The following PHC1 variants were observed in gnomAD, a reference collection of about 807,000 sequenced individuals.
PHC1 encodes polyhomeotic homolog 1.
PHC1 carries 12 observed loss-of-function variants against 104.3 expected under a neutral mutation model. The observed-to-expected ratio is 0.12, with a 90% CI of 0.07 to 0.19. PHC1 has a LOEUF of 0.19. Among genes scored for constraint, PHC1 ranks in the 10% least tolerant of loss-of-function variants. The pLI is 1.00. For missense variants in PHC1, 671 were observed against 1,200.0 expected (o/e 0.56, Z 6.51); for synonymous variants, 302 against 455.8 (o/e 0.66, Z 4.30).
chr12:8,919,537 A>G lies in PHC1; in HGVS notation c.115-219A>G, dbSNP rs919342490. Reference sequence around the variant, plus strand: ...GAGCCTAGGAGTTTGAGGTTACAGTAAACTATGATCACGCCACTGTGCTCC... The same window carrying G: ...GAGCCTAGGAGTTTGAGGTTACAGTGAACTATGATCACGCCACTGTGCTCC... On this transcript the variant is annotated intron_variant, in intron 2 of 14. Transcript: ENST00000544916. The surrounding 1 kb of genome is among the most constrained non-coding windows in gnomAD (Gnocchi z 4.9). Among the ~76,000 whole-genome samples, 1 of 152,186 alleles carries G rather than the reference A, an allele frequency of 6.6e-6. No individual in the cohort carries two copies. The highest frequency in any genetic ancestry group is 1.5e-5 in the Non-Finnish European group (1 of 68,038).
At chr12:8,934,059 G>GA in intron 9 of PHC1, 47 bp downstream of exon 9, 1 of 1,593,322 alleles carries the variant, frequency 6.3e-7, no homozygotes, top group South Asian at 1.1e-5. Flanking sequence ...CAGAGTAGAG[G>GA]AATGTTCTGA....
At position 8,936,916 on chromosome 12, in the gene PHC1, A is replaced by T; in HGVS notation, c.2429A>T (p.Glu810Val). 6.2e-7 allele frequency: 1 copy of T among 1,613,562 alleles called. No individual in the cohort carries two copies. Among genetic ancestry groups the T allele is most frequent in the Non-Finnish European group, 8.5e-7 (1 of 1,179,542 alleles). ...TACTGTGGGAAGTACGCCCCCGCAG[A>T]GCAGTTTCGTGGCTCTAAGAGGTTC... is the stretch of plus-strand genomic sequence containing the variant. Reference protein sequence around the residue: ...CEYCGKYAPAEQFRGSKRFCS... With the variant: ...CEYCGKYAPAVQFRGSKRFCS... The change falls in exon 12 of 15, where the codon GAG (glutamate) becomes GTG (valine). Residue 810 changes from glutamate (E) to valine (V), a missense_variant. By Grantham distance (121) the Glu-to-Val change is moderately radical. This residue lies in a region of PHC1 where 192 missense variants were observed against 280.5 expected (regional missense o/e 0.68). Transcript: ENST00000544916.
Position 8,930,532 on chromosome 12 carries a change from T to C in PHC1, c.710T>C (p.Val237Ala), listed in dbSNP as rs1945652117. Reference protein sequence around the residue: ...QKAIPPGASPVSSLSQASSQA... With the variant: ...QKAIPPGASPASSLSQASSQA... ...GCCATTCCTCCAGGAGCCTCCCCTG[T>C]CTCTAGCCTCTCCCAGGCCTCTAGC... Residue 237 changes from valine (V) to alanine (A), a missense_variant, in exon 7 of 15, where the codon GTC (valine) becomes GCC (alanine). By Grantham distance (64) the Val-to-Ala change is moderately conservative (BLOSUM62 0). This residue lies in a region of PHC1 where 237 missense variants were observed against 331.1 expected (regional missense o/e 0.72). Transcript: ENST00000544916. The C allele has an allele frequency of 6.4e-7, 1 of 1,558,184 alleles. No individual in the cohort carries two copies.
intron 7 of PHC1, 53 bp from the exon 8 acceptor site, chr12:8,932,507 GATT>G: frequency 6.4e-7 from 1 of 1,559,736 alleles, no homozygotes; most frequent in East Asian, 2.3e-5. Flanking sequence ...AATTTAGAAT[GATT>G]ATTATTCTCT....
intron 5 of PHC1, 78 bp downstream of exon 5, chr12:8,921,828 T>A: frequency 7.2e-7 from 1 of 1,383,180 alleles, no homozygotes; most frequent in Non-Finnish European, 9.8e-7. Flanking sequence ...GAAAGCTTTT[T>A]TTTGAGACAG....
At chr12:8,937,748 C>A in intron 13 of PHC1, 81 bp from the exon 14 acceptor site, 1 of 1,097,884 alleles carries the variant, frequency 9.1e-7, no homozygotes, top group African/African-American at 1.5e-5. Context: ...CTTCTACGCC[C>A]AACCCAGGGT....
intron 8 of PHC1, chr12:8,933,609 A>G (rs1945752546): frequency 3.3e-6 from 2 of 609,102 alleles, no homozygotes; most frequent in Non-Finnish European, 5.5e-6. Context: ...CAGTCTTTGA[A>G]AAAACAACAG....
chr12:8,927,859 TTC>T (rs1420285089), intron 6 of PHC1, among the ~76,000 whole-genome samples: 4 of 59,034 alleles, frequency 6.8e-5, no homozygotes, highest in Admixed American at 1.7e-4. Flanking sequence ...CTAGTTTTCT[TTC>T]TTTCTTTCTT....
At chr12:8,927,901 CTTT>C (rs1945569905) in intron 6 of PHC1, among the ~76,000 whole-genome samples, 1 of 108,032 alleles carries the variant, frequency 9.3e-6, no homozygotes, top group Non-Finnish European at 1.8e-5. Flanking sequence ...TTCTTTCTTT[CTTT>C]CTTTCTTTCT....
intron 5 of PHC1, among the ~76,000 whole-genome samples, chr12:8,922,342 C>A (rs972373784): frequency 2.0e-5 from 3 of 152,208 alleles, no homozygotes; most frequent in Non-Finnish European, 2.9e-5. Context: ...TGTTATCGCT[C>A]AGCCTACCTA....
chr12:8,915,302 A>T (rs1945169633), intron 1 of PHC1: 1 of 152,290 alleles, frequency 6.6e-6, no homozygotes. Context: ...CATCATTTTC[A>T]TCAAGGTTCT....
intron 4 of PHC1, 112 bp downstream of exon 4, chr12:8,921,177 T>TA: frequency 1.3e-6 from 1 of 741,768 alleles, no homozygotes; most frequent in East Asian, 2.7e-5. Context: ...AGTGGATAGT[T>TA]ACTGCTTTTA....
Position 8,917,289 on chromosome 12 carries a change from A to G in PHC1, c.-48-341A>G, listed in dbSNP as rs751448986. Among the ~76,000 whole-genome samples the G allele has an allele frequency of 2.6e-5, 4 of 152,352 alleles. No homozygotes were observed. The East Asian group carries it at 7.7e-4, about 29-fold the overall frequency. ...GAGATAACCAAAACTTTTAAGTGGA[A>G]AGATTTTAAACTGTTAAAAAATGCT... On this transcript the variant is annotated intron_variant, in intron 1 of 14. Coordinates refer to ENST00000544916, the MANE Select transcript of PHC1 (RefSeq NM_004426.3).
rs370768735 is a variant in PHC1, at chr12:8,935,131, G to C, written c.2261G>C (p.Cys754Ser). The C allele has an allele frequency of 1.3e-6, 2 of 1,557,104 alleles. No individual in the cohort carries two copies. Among genetic ancestry groups the C allele is most frequent in the Non-Finnish European group, 1.8e-6 (2 of 1,138,680 alleles). The change falls in exon 11 of 15, where the codon TGT becomes TCT. Residue 754 changes from cysteine to serine, a missense_variant. Transcript: ENST00000544916. Reference sequence around the variant, plus strand: ...CAATGTTTTCTGGGACAGGTGGGTTGTTCTCAGTTACTGAAGGAGTCTGAG... The same window carrying C: ...CAATGTTTTCTGGGACAGGTGGGTTCTTCTCAGTTACTGAAGGAGTCTGAG... ...QEGAEPFPVGCSQLLKESEKP... is the reference protein window; with the variant it reads ...QEGAEPFPVGSSQLLKESEKP...
intron 10 of PHC1, 151 bp from the exon 11 acceptor site, chr12:8,934,973 T>G: frequency 3.6e-6 from 2 of 551,104 alleles, no homozygotes; most frequent in Middle Eastern, 4.9e-4. Context: ...TACTCTTGAT[T>G]ACCGTATTGA....
rs747349302 is a variant in PHC1 at position 8,937,889 on chromosome 12, A to G, written c.2689A>G (p.Thr897Ala). ...NSSYDEALSP[T>A]SPGPLSVRAG... ...CAGTTATGATGAAGCACTCTCTCCA[A>G]CATCTCCTGGGCCTTTATCAGTAAG... The change falls in exon 14 of 15, where the codon ACA (threonine) becomes GCA (alanine). Residue 897 changes from threonine to alanine, a missense_variant. Thr to Ala is a moderately conservative substitution (Grantham distance 58). This residue lies in a region of PHC1 where 192 missense variants were observed against 280.5 expected (regional missense o/e 0.68). Coordinates refer to ENST00000544916, the MANE Select transcript of PHC1 (RefSeq NM_004426.3). 8 of 1,611,836 alleles carry G rather than the reference A, an allele frequency of 5.0e-6. No individual in the cohort carries two copies. The highest frequency in any genetic ancestry group is 5.9e-6 in the Non-Finnish European group (7 of 1,178,042).
At chr12:8,926,974 G>T (rs1592198305) in intron 6 of PHC1, among the ~76,000 whole-genome samples, 1 of 152,158 alleles carries the variant, frequency 6.6e-6, no homozygotes, top group East Asian at 1.9e-4. Context: ...TTAATATGGG[G>T]CCCTGAGGTA....
chr12:8,935,373 C>G, intron 11 of PHC1, 135 bp downstream of exon 11: 2 of 560,330 alleles, frequency 3.6e-6, no homozygotes, highest in South Asian at 2.2e-5. Flanking sequence ...TGCCTGTAAT[C>G]CCAGCACTTT....
At chr12:8,917,174 A>G (rs995064684) in intron 1 of PHC1, among the ~76,000 whole-genome samples, 2 of 152,236 alleles carry the variant, frequency 1.3e-5, no homozygotes, top group African/African-American at 4.8e-5. Context: ...GCATAGGTGA[A>G]GTGCCTAGCC....
Sources: gnomAD v4.1 joint callset for allele counts (sites outside exome capture counted in the v4.1 genomes callset) on GRCh38, gnomAD v4.1.1 for gene constraint, gnomAD v4.1.1 regional missense constraint, Gnocchi (gnomAD v3.1) non-coding constraint, MANE v1.5 for transcripts, NCBI Gene and HGNC (gene_info 2026-07-23, HGNC 2026-07-21) for gene names.